The following ASCC3 variants were observed in gnomAD, a reference collection of about 807,000 sequenced individuals.
ASCC3 encodes activating signal cointegrator 1 complex subunit 3.
ASCC3 carries 158 observed loss-of-function variants against 256.3 expected under a neutral mutation model. The ratio of observed to expected loss-of-function variants is 0.62; its 90% confidence interval spans 0.54 to 0.70. The LOEUF (loss-of-function observed/expected upper bound fraction) is 0.70. ASCC3 is among the 30% of genes least tolerant of loss of function. The probability of loss-of-function intolerance (pLI) is 0.00; values close to 1 mark genes in which losing one functional copy is unlikely to be tolerated. For synonymous variants in ASCC3, 948 were observed against 883.4 expected (o/e 1.07, Z -1.30); for missense variants, 2,259 against 2,626.0 (o/e 0.86, Z 3.05).
rs527944211 is a variant in ASCC3, at chr6:100,678,060, A to G, written c.2286+1558T>C. Among the ~76,000 whole-genome samples the G allele has an allele frequency of 4.6e-5, 7 of 152,288 alleles. No individual in the cohort carries two copies. The South Asian group carries it at 1.4e-3, about 32-fold the overall frequency. The stretch of plus-strand genomic sequence containing the variant: ...ATCAAGGGATAATACCAGCAATATC[A>G]TAGATTGTAAGGATTGAATGAGTTA... On this transcript the variant is annotated intron_variant, in intron 14 of 41. Transcript: ENST00000369162.
At chr6:100,744,480 G>A (rs1005887451) in intron 10 of ASCC3, among the ~76,000 whole-genome samples, 1 of 152,042 alleles carries the variant, frequency 6.6e-6, no homozygotes, top group African/African-American at 2.4e-5. Context: ...GATAATATAG[G>A]ATAACATCAA....
chr6:100,727,478 C>A (rs1313842227), intron 10 of ASCC3, among the ~76,000 whole-genome samples: 1 of 151,652 alleles, frequency 6.6e-6, no homozygotes, highest in East Asian at 1.9e-4. Context: ...TTTTCCCCCA[C>A]AAATTACTAG....
intron 30 of ASCC3, among the ~76,000 whole-genome samples, chr6:100,624,420 C>T (rs928348465): frequency 7.3e-5 from 11 of 151,448 alleles, no homozygotes; most frequent in Non-Finnish European, 1.6e-4. Context: ...AAAATGAAGG[C>T]ATACATTAAG....
intron 10 of ASCC3, among the ~76,000 whole-genome samples, chr6:100,738,380 G>C (rs1312619739): frequency 6.6e-6 from 1 of 152,086 alleles, no homozygotes; most frequent in Non-Finnish European, 1.5e-5. Flanking sequence ...AATCCATCTT[G>C]AGTTAATTTT....
At chr6:100,704,433 C>G (rs987701036) in intron 13 of ASCC3, among the ~76,000 whole-genome samples, 3 of 151,990 alleles carry the variant, frequency 2.0e-5, no homozygotes, top group South Asian at 2.1e-4. Context: ...CTTATTATAT[C>G]TGGAGAATAT....
chr6:100,850,060 G>A (rs767734024), intron 3 of ASCC3, among the ~76,000 whole-genome samples: 5 of 132,800 alleles, frequency 3.8e-5, no homozygotes, highest in African/African-American at 5.5e-5. Context: ...AGATAGCATC[G>A]CTGTACTCCA....
chr6:100,863,039 C>T (rs1481298954), intron 3 of ASCC3, among the ~76,000 whole-genome samples: 2 of 152,118 alleles, frequency 1.3e-5, no homozygotes, highest in Non-Finnish European at 2.9e-5. Context: ...GAAGTGAGGT[C>T]AGACAGAGGG....
chr6:100,858,647 TCA>T (rs879932926), intron 3 of ASCC3: 3 of 993,176 alleles, frequency 3.0e-6, no homozygotes, highest in South Asian at 4.5e-5. Flanking sequence ...AAACACTTGA[TCA>T]CACACACACA....
chr6:100,618,750 G>A (rs2114841135), intron 30 of ASCC3, among the ~76,000 whole-genome samples: 1 of 152,250 alleles, frequency 6.6e-6, no homozygotes, highest in Non-Finnish European at 1.5e-5. Flanking sequence ...GTATCACTGA[G>A]GAGACACGTA....
chr6:100,805,846 A>T lies in ASCC3; in HGVS notation c.836T>A (p.Leu279His), dbSNP rs777743395. 6.2e-7 allele frequency: 1 copy of T among 1,611,452 alleles called. No homozygotes were observed. Among genetic ancestry groups the T allele is most frequent in the East Asian group, 2.2e-5 (1 of 44,726 alleles). The part of the protein sequence containing the change: ...FELLGPEGLE[L>H]IEKLLQNRIT... ...TCTGTTCTGGAGGAGTTTCTCAATA[A>T]GTTCAAGTCCTTCAGGTCCCAGCAG... The change falls in exon 5 of 42, where the codon CTT becomes CAT. Residue 279 changes from leucine (L) to histidine (H), a missense_variant. By Grantham distance (99) the Leu-to-His change is moderately conservative. Coordinates refer to ENST00000369162, the MANE Select transcript of ASCC3 (RefSeq NM_006828.4).
At chr6:100,655,945 C>T (rs927731810) in intron 16 of ASCC3, 127 bp from the exon 17 acceptor site, 3 of 1,069,340 alleles carry the variant, frequency 2.8e-6, no homozygotes, top group Admixed American at 3.7e-5. Flanking sequence ...AAAAGGTAGG[C>T]ATAGTGACTG....
At chr6:100,600,746 C>T (rs1056625782) in intron 34 of ASCC3, among the ~76,000 whole-genome samples, 20 of 152,130 alleles carry the variant, frequency 1.3e-4, no homozygotes, top group Non-Finnish European at 1.8e-4. Context: ...CTAAGGTCCT[C>T]ATCATCTTTT....
At chr6:100,785,074 T>C (rs1408900892) in intron 8 of ASCC3, among the ~76,000 whole-genome samples, 1 of 152,158 alleles carries the variant, frequency 6.6e-6, no homozygotes, top group African/African-American at 2.4e-5. Context: ...TGGACACTGT[T>C]ATTTTCTCTT....
chr6:100,645,221 T>G (rs370956816), intron 22 of ASCC3, among the ~76,000 whole-genome samples: 1 of 152,150 alleles, frequency 6.6e-6, no homozygotes, highest in Non-Finnish European at 1.5e-5. Flanking sequence ...ATTTCAAAAA[T>G]AGTCTATTAA....
At chr6:100,714,043 G>C (rs532223288) in intron 13 of ASCC3, among the ~76,000 whole-genome samples, 89 of 152,262 alleles carry the variant, frequency 5.8e-4, no homozygotes, top group African/African-American at 2.1e-3. Context: ...AGGCAATCCA[G>C]AACAGAGGTG....
intron 13 of ASCC3, among the ~76,000 whole-genome samples, chr6:100,685,690 A>C (rs1167735029): frequency 1.3e-5 from 2 of 152,376 alleles, no homozygotes; most frequent in Admixed American, 1.3e-4. Context: ...CTGAATGGGA[A>C]TGCCACTACA....
At chr6:100,649,459 T>C (rs954047398) in intron 20 of ASCC3, among the ~76,000 whole-genome samples, 1 of 151,572 alleles carries the variant, frequency 6.6e-6, no homozygotes, top group African/African-American at 2.4e-5. Context: ...TTAAAGAATA[T>C]ATAAATATTT....
chr6:100,580,023 C>T (rs564920483), intron 36 of ASCC3, among the ~76,000 whole-genome samples: 38 of 152,100 alleles, frequency 2.5e-4, no homozygotes, highest in South Asian at 1.9e-3. Context: ...TTACAATTCT[C>T]GTTATAGAGA....
In ASCC3 at chr6:100,820,415, T is replaced by C. The variant is rs146918252; in HGVS notation, c.802-14535A>G. Among the ~76,000 whole-genome samples, 259 of 152,296 alleles carry C rather than the reference T, an allele frequency of 1.7e-3. 1 individual carries two copies. Among genetic ancestry groups the C allele is most frequent in the African/African-American group, 5.8e-3 (242 of 41,562 alleles). ...GAAGAGACTTTTCAATAAATGATGATGGGACAACTGGCCAGTGATGTACAA... is the reference window on the plus strand; with the variant it reads ...GAAGAGACTTTTCAATAAATGATGACGGGACAACTGGCCAGTGATGTACAA... On this transcript the variant is annotated intron_variant, in intron 4 of 41. Coordinates refer to ENST00000369162, the MANE Select transcript of ASCC3 (RefSeq NM_006828.4).
Sources: gnomAD v4.1 joint callset for allele counts (sites outside exome capture counted in the v4.1 genomes callset) on GRCh38, gnomAD v4.1.1 for gene constraint, MANE v1.5 for transcripts, NCBI Gene and HGNC (gene_info 2026-07-23, HGNC 2026-07-21) for gene names.